Variants in LPP observed in about 807,000 individuals in gnomAD.
The protein encoded by LPP is lipoma-preferred partner.
LPP carries 38 observed loss-of-function variants against 60.4 expected under a neutral mutation model. The ratio of observed to expected loss-of-function variants is 0.63; its 90% CI spans 0.49 to 0.83. The LOEUF (loss-of-function observed/expected upper bound fraction) is 0.83, where lower values mean the gene tolerates loss of function less well. Among genes scored for constraint, LPP ranks in the 40% least tolerant of loss-of-function variants. The pLI is 0.00. For synonymous variants in LPP, 328 were observed against 290.8 expected (o/e 1.13, Z -1.30); for missense variants, 902 against 783.6 (o/e 1.15, Z -1.80).
chr3:188,511,012 C>G (rs888796127), intron 5 of LPP, among the ~76,000 whole-genome samples: 1 of 151,448 alleles, frequency 6.6e-6, no homozygotes, highest in African/African-American at 2.4e-5. Context: ...TGGCAGAGAA[C>G]CCCTGATCCA....
intron 5 of LPP, among the ~76,000 whole-genome samples, chr3:188,515,716 T>G (rs1817164533): frequency 1.3e-5 from 2 of 152,220 alleles, no homozygotes; most frequent in Non-Finnish European, 2.9e-5. Flanking sequence ...GATGTCCTTC[T>G]CGGATATTAA....
chr3:188,698,743 T>A (rs1195324536), intron 7 of LPP, among the ~76,000 whole-genome samples: 1 of 152,212 alleles, frequency 6.6e-6, no homozygotes, highest in African/African-American at 2.4e-5. Flanking sequence ...AAGCATGAGC[T>A]TTACTTTACT....
At chr3:188,273,558 A>G (rs1429329200) in intron 2 of LPP, among the ~76,000 whole-genome samples, 2 of 143,364 alleles carry the variant, frequency 1.4e-5, no homozygotes, top group African/African-American at 5.1e-5. Flanking sequence ...TTGCCAGGTG[A>G]TAAGTCCACC....
At chr3:188,250,772 T>TTCTTTCTTTCTGTCTTTC in intron 2 of LPP, among the ~76,000 whole-genome samples, 2 of 111,098 alleles carry the variant, frequency 1.8e-5, no homozygotes, top group South Asian at 5.7e-4. Context: ...CTTTCTTTCT[T>TTCTTTCTTTCTGTCTTTC]TCTTTCTTTC....
At chr3:188,346,223 G>A (rs1352455149) in intron 3 of LPP, among the ~76,000 whole-genome samples, 1 of 138,740 alleles carries the variant, frequency 7.2e-6, no homozygotes, top group Non-Finnish European at 1.6e-5. Flanking sequence ...GTCCCTTTCT[G>A]TCCAGGGACC....
At chr3:188,639,009 A>G (rs1199993719) in intron 7 of LPP, among the ~76,000 whole-genome samples, 3 of 151,048 alleles carry the variant, frequency 2.0e-5, no homozygotes, top group African/African-American at 7.2e-5. Flanking sequence ...GAATTGGAAA[A>G]AACTACTTTA....
chr3:188,252,073 T>TACACAC (rs1491568510), intron 2 of LPP, among the ~76,000 whole-genome samples: 12 of 80,406 alleles, frequency 1.5e-4, no homozygotes, highest in African/African-American at 5.7e-4. Context: ...TATATATATA[T>TACACAC]ATACACACAC....
chr3:188,664,580 G>A (rs1855343799), intron 7 of LPP, among the ~76,000 whole-genome samples: 1 of 151,922 alleles, frequency 6.6e-6, no homozygotes, highest in African/African-American at 2.4e-5. Context: ...AGCTATTGGT[G>A]GGGAAGATGG....
At chr3:188,296,538 C>T (rs540586336) in intron 2 of LPP, among the ~76,000 whole-genome samples, 13 of 152,212 alleles carry the variant, frequency 8.5e-5, no homozygotes, top group Non-Finnish European at 1.6e-4. Context: ...AATTTAGCCT[C>T]TGCCTTAGTC....
intron 1 of LPP, among the ~76,000 whole-genome samples, chr3:188,211,665 C>G (rs953010221): frequency 1.3e-5 from 2 of 152,130 alleles, no homozygotes; most frequent in African/African-American, 2.4e-5. Flanking sequence ...CAATTCACCC[C>G]CACTTTTCCT....
At chr3:188,471,994 G>T (rs1801964673) in intron 4 of LPP, among the ~76,000 whole-genome samples, 1 of 152,088 alleles carries the variant, frequency 6.6e-6, no homozygotes, top group Non-Finnish European at 1.5e-5. Context: ...TTGATCTCTT[G>T]GAGCCTAATG....
At chr3:188,601,182 T>C (rs552022750) in intron 6 of LPP, among the ~76,000 whole-genome samples, 43 of 152,284 alleles carry the variant, frequency 2.8e-4, no homozygotes, top group Non-Finnish European at 5.3e-4. Context: ...GGCATTGTTT[T>C]AATGACTGTG....
At chr3:188,267,956 A>G (rs1736179966) in intron 2 of LPP, among the ~76,000 whole-genome samples, 1 of 151,042 alleles carries the variant, frequency 6.6e-6, no homozygotes, top group Non-Finnish European at 1.5e-5. Flanking sequence ...CTCTGGGACT[A>G]TAGCCTCTGC....
intron 7 of LPP, among the ~76,000 whole-genome samples, chr3:188,649,481 A>G (rs1389385816): frequency 6.6e-6 from 1 of 152,150 alleles, no homozygotes; most frequent in Non-Finnish European, 1.5e-5. Flanking sequence ...GGACTTAACC[A>G]CAATAGAACT....
At chr3:188,589,746 G>A (rs1041862402) in intron 6 of LPP, among the ~76,000 whole-genome samples, 2 of 151,896 alleles carry the variant, frequency 1.3e-5, no homozygotes, top group African/African-American at 2.4e-5. Flanking sequence ...CATAAAACAT[G>A]GTAATTGGTA....
At chr3:188,727,397 T>C (rs1377305821) in intron 8 of LPP, among the ~76,000 whole-genome samples, 1 of 152,194 alleles carries the variant, frequency 6.6e-6, no homozygotes, top group Non-Finnish European at 1.5e-5. Flanking sequence ...CAATTTCTGG[T>C]GATGACCACG....
chr3:188,526,596 C>T (rs1351732636), intron 6 of LPP, among the ~76,000 whole-genome samples: 3 of 152,172 alleles, frequency 2.0e-5, no homozygotes, highest in African/African-American at 7.2e-5. Flanking sequence ...TAGCTGCTGT[C>T]TTCTTTAGAT....
intron 9 of LPP, among the ~76,000 whole-genome samples, chr3:188,761,946 G>A (rs184041274): frequency 9.3e-4 from 142 of 152,312 alleles, no homozygotes; most frequent in Admixed American, 3.2e-3. Flanking sequence ...CTAAGGTAGT[G>A]ATGTTGGCAG....
In LPP at chr3:188,522,316, T is replaced by C. The variant is rs148778868; in HGVS notation, c.307-2349T>C. 4.0e-3 allele frequency among the ~76,000 whole-genome samples: 615 copies of C among 152,312 alleles called. 2 individuals are homozygous for C. The highest frequency in any genetic ancestry group is 0.014 in the African/African-American group (564 of 41,578). ...AAATCTGGGCCGTCCAGCTTGATGA[T>C]ACACACATAGTTACCAGTGTGAGCG... On this transcript the variant is annotated intron_variant, in intron 5 of 11. Transcript: ENST00000617246.
Sources: gnomAD v4.1 joint callset for allele counts (sites outside exome capture counted in the v4.1 genomes callset) on GRCh38, gnomAD v4.1.1 for gene constraint, MANE v1.5 for transcripts, NCBI Gene and HGNC (gene_info 2026-07-23, HGNC 2026-07-21) for gene names.